The following SYNE1 variants were observed in gnomAD, a reference collection of about 807,000 sequenced individuals.
The protein encoded by SYNE1 is spectrin repeat containing nuclear envelope protein 1.
In SYNE1, 616 loss-of-function variants were observed where a neutral mutation model predicts 1,111.0. The observed-to-expected ratio is 0.55, with a 90% CI of 0.52 to 0.59. SYNE1 has a LOEUF of 0.59. SYNE1 is among the 20% of genes least tolerant of loss of function. The pLI is 0.00. For synonymous variants in SYNE1, 3,855 were observed against 3,825.8 expected, an observed-to-expected ratio of 1.01 and a Z score of -0.28; for missense variants, 10,006 against 10,417.0, an observed-to-expected ratio of 0.96 and a Z score of 1.72.
chr6:152,568,191 C>A (rs1315306122), intron 3 of SYNE1, among the ~76,000 whole-genome samples: 1 of 148,476 alleles, frequency 6.7e-6, no homozygotes. Flanking sequence ...GCATAAAAAT[C>A]AAAAATACAT....
intron 3 of SYNE1, among the ~76,000 whole-genome samples, chr6:152,601,269 T>C (rs1431951046): frequency 2.0e-5 from 3 of 152,194 alleles, no homozygotes; most frequent in Non-Finnish European, 4.4e-5. Flanking sequence ...ACAAGATTTA[T>C]ATATGATGTG....
At chr6:152,182,614 C>A (rs1260375394) in intron 128 of SYNE1, among the ~76,000 whole-genome samples, 1 of 152,122 alleles carries the variant, frequency 6.6e-6, no homozygotes, top group Admixed American at 6.5e-5. Flanking sequence ...GAAAATATTT[C>A]TAAGGTATTA....
chr6:152,336,669 G>A, intron 76 of SYNE1, 172 bp downstream of exon 76: 1 of 835,538 alleles, frequency 1.2e-6, no homozygotes, highest in Non-Finnish European at 2.0e-6. Context: ...ACAGGACATG[G>A]ACTTGTGCTT....
chr6:152,363,223 G>T (rs950161831), intron 63 of SYNE1, among the ~76,000 whole-genome samples: 3 of 147,682 alleles, frequency 2.0e-5, no homozygotes, highest in Admixed American at 6.7e-5. Context: ...GGCCGGGCGC[G>T]GTGACTCACG....
chr6:152,360,543 CT>C (rs999390290), intron 64 of SYNE1, among the ~76,000 whole-genome samples: 3 of 151,650 alleles, frequency 2.0e-5, no homozygotes, highest in East Asian at 1.9e-4. Context: ...CACCACACTA[CT>C]TTTTTTTTCT....
intron 22 of SYNE1, 112 bp downstream of exon 22, chr6:152,458,645 T>C (rs2098712556): frequency 8.6e-7 from 1 of 1,162,870 alleles, no homozygotes. Context: ...TTAGTAGTAC[T>C]ATTCTAGAAA....
At chr6:152,533,419 T>C (rs1406454248) in intron 4 of SYNE1, among the ~76,000 whole-genome samples, 1 of 152,154 alleles carries the variant, frequency 6.6e-6, no homozygotes, top group Non-Finnish European at 1.5e-5. Context: ...TGTTTTACTA[T>C]ATAGTATAAA....
intron 65 of SYNE1, 144 bp downstream of exon 65, chr6:152,359,171 A>G: frequency 8.3e-7 from 1 of 1,202,818 alleles, no homozygotes; most frequent in Non-Finnish European, 1.2e-6. Flanking sequence ...TTTGCCAGTA[A>G]TTCCTTTAAA....
chr6:152,200,210 T>C (rs988602451), intron 127 of SYNE1, among the ~76,000 whole-genome samples: 17 of 152,190 alleles, frequency 1.1e-4, no homozygotes, highest in Admixed American at 3.9e-4. Context: ...AGCCTGTAGA[T>C]ACAGGCAACC....
chr6:152,563,449 A>T (rs2099401573), intron 3 of SYNE1, among the ~76,000 whole-genome samples: 3 of 152,186 alleles, frequency 2.0e-5, no homozygotes, highest in Non-Finnish European at 4.4e-5. Context: ...TTGGTGAAAA[A>T]AAAGAGACAT....
Position 152,391,528 on chromosome 6 carries a change from T to G in SYNE1, c.7753A>C (p.Ser2585Arg), listed in dbSNP as rs2097628990. The change falls in exon 52 of 146, where the codon AGT becomes CGT. Residue 2585 changes from serine (S) to arginine (R), a missense_variant. Physicochemically the swap from Ser to Arg is moderately radical, Grantham distance 110. Around this residue, in one of 7 missense-constraint regions of SYNE1, gnomAD observed 4,955 missense variants for 5,017.2 expected, o/e 0.99. Coordinates refer to ENST00000367255, the MANE Select transcript of SYNE1 (RefSeq NM_182961.4). ...TGCCCAGCACCGTGGCCTTCTTCACTCAGAAGCTGCCCTCTCTGGGAAAGC... is the reference window on the plus strand; with the variant it reads ...TGCCCAGCACCGTGGCCTTCTTCACGCAGAAGCTGCCCTCTCTGGGAAAGC... ...DKLSQRGQLL[S>R]EEGHGAGQEG... 3 of 1,588,004 alleles carry G rather than the reference T, an allele frequency of 1.9e-6. No homozygotes were observed. The highest frequency in any genetic ancestry group is 1.1e-5 in the South Asian group (1 of 90,412).
intron 130 of SYNE1, among the ~76,000 whole-genome samples, chr6:152,170,822 C>T (rs766116425): frequency 4.6e-5 from 7 of 152,180 alleles, no homozygotes; most frequent in Non-Finnish European, 7.3e-5. Context: ...TGTGTCACTA[C>T]CCAAATCTCA....
intron 105 of SYNE1, among the ~76,000 whole-genome samples, chr6:152,247,781 ATAT>A (rs1477421383): frequency 1.5e-5 from 2 of 133,228 alleles, no homozygotes; most frequent in Non-Finnish European, 3.2e-5. Flanking sequence ...ACACACACAC[ATAT>A]ATTTTTAAAA....
Position 152,214,989 on chromosome 6 carries a change from G to A in SYNE1, c.22263C>T (p.Pro7421=), listed in dbSNP as rs774062465. 5.0e-6 allele frequency: 8 copies of A among 1,613,954 alleles called. No individual in the cohort carries two copies. The East Asian group carries it at 1.8e-4, about 36-fold the overall frequency. The change falls in exon 122 of 146, where the codon CCC becomes CCT. Residue 7421 remains proline, a synonymous_variant. Transcript: ENST00000367255. ...TTCTTTTGATTTCCTTATCATTCAA[G>A]GGTAACCTATATCCAAGCTCATTTA... The part of the protein sequence containing the change: ...DRLNELGYRL[P]LNDKEIKRMQ...
Position 152,462,762 on chromosome 6 carries a change from G to T in SYNE1, c.2226C>A (p.Val742=). The change falls in exon 20 of 146, where the codon GTC becomes GTA. Residue 742 remains valine (V), a synonymous_variant. Coordinates refer to ENST00000367255, the MANE Select transcript of SYNE1 (RefSeq NM_182961.4). ...SEPLEVSFMN[V]KLLIQDLEDI... ...CCTCCAAGTCTTGAATTAATAGCTT[G>T]ACATTCATAAAAGAGACTTCTAAGG... The T allele has an allele frequency of 1.2e-6, 2 of 1,614,018 alleles. No individual in the cohort carries two copies. Among genetic ancestry groups the T allele is most frequent in the South Asian group, 1.1e-5 (1 of 91,076 alleles).
intron 98 of SYNE1, among the ~76,000 whole-genome samples, chr6:152,271,263 A>T (rs569050860): frequency 1.3e-5 from 2 of 152,310 alleles, no homozygotes; most frequent in African/African-American, 4.8e-5. Flanking sequence ...TCTCATGATT[A>T]AATTGTCTAA....
At chr6:152,594,163 T>C (rs528303422) in intron 3 of SYNE1, among the ~76,000 whole-genome samples, 1 of 152,308 alleles carries the variant, frequency 6.6e-6, no homozygotes, top group South Asian at 2.1e-4. Context: ...CTACTGGTCT[T>C]GCCATTCTGT....
At chr6:152,460,019 AC>A (rs1752501897) in intron 21 of SYNE1, among the ~76,000 whole-genome samples, 1 of 152,238 alleles carries the variant, frequency 6.6e-6, no homozygotes, top group Non-Finnish European at 1.5e-5. Flanking sequence ...AAGAGAGTCT[AC>A]TAATGTGTAT....
chr6:152,376,704 A>T, intron 57 of SYNE1, 72 bp downstream of exon 57: 33 of 1,593,162 alleles, frequency 2.1e-5, no homozygotes, highest in Non-Finnish European at 2.7e-5. Flanking sequence ...TTTTGAAATT[A>T]CACCTTAAAA....
Sources: gnomAD v4.1 joint callset for allele counts (sites outside exome capture counted in the v4.1 genomes callset) on GRCh38, gnomAD v4.1.1 for gene constraint, gnomAD v4.1.1 regional missense constraint, MANE v1.5 for transcripts, NCBI Gene and HGNC (gene_info 2026-07-23, HGNC 2026-07-21) for gene names.